PCDH9: variants seen among roughly 807,000 people sequenced by gnomAD.
PCDH9 encodes protocadherin 9.
In PCDH9, 24 loss-of-function variants were observed where a neutral mutation model predicts 70.6. The ratio of observed to expected loss-of-function variants is 0.34; its 90% confidence interval spans 0.25 to 0.48. The LOEUF (loss-of-function observed/expected upper bound fraction) is 0.48. PCDH9 is among the 20% of genes least tolerant of loss of function. PCDH9 has a pLI of 0.99. For synonymous variants in PCDH9, 562 were observed against 558.5 expected (o/e 1.01, Z -0.09); for missense variants, 1,281 against 1,503.6 (o/e 0.85, Z 2.45).
At chr13:67,154,345 T>C (rs2087741397) in intron 2 of PCDH9, among the ~76,000 whole-genome samples, 1 of 151,998 alleles carries the variant, frequency 6.6e-6, no homozygotes, top group Admixed American at 6.6e-5. Flanking sequence ...ATTCCAGCAC[T>C]CTGGAAGGTG....
intron 3 of PCDH9, among the ~76,000 whole-genome samples, chr13:66,844,342 T>C (rs1412325722): frequency 6.6e-6 from 1 of 152,038 alleles, no homozygotes; most frequent in African/African-American, 2.4e-5. Flanking sequence ...ATCTCAGCAC[T>C]TTGGGAAGCC....
chr13:66,722,600 A>C (rs566788434), intron 3 of PCDH9, among the ~76,000 whole-genome samples: 70 of 152,198 alleles, frequency 4.6e-4, no homozygotes, highest in African/African-American at 1.6e-3. Context: ...GTGTCTGCTG[A>C]TCTTTTGAAT....
intron 2 of PCDH9, among the ~76,000 whole-genome samples, chr13:67,164,252 A>G (rs1239888360): frequency 2.0e-5 from 3 of 152,162 alleles, no homozygotes; most frequent in Admixed American, 6.6e-5. Flanking sequence ...TATATCTACT[A>G]TAGGAAAATT....
At chr13:67,179,147 T>G (rs57150127) in intron 2 of PCDH9, among the ~76,000 whole-genome samples, 3,022 of 152,124 alleles carry the variant, frequency 0.02, 94 homozygotes, top group African/African-American at 0.07. Flanking sequence ...CTGTGTTGGG[T>G]TGGCATTTTT....
rs568974099 is a variant in PCDH9, at chr13:66,723,404, G to T, written c.3139-91993C>A. ...TTTTCAGAATAAAATTTTCAACAGGGCATAGCATTACATTTTACAAATTCA... is the reference window on the plus strand; with the variant it reads ...TTTTCAGAATAAAATTTTCAACAGGTCATAGCATTACATTTTACAAATTCA... On this transcript the variant is annotated intron_variant, in intron 3 of 4. Transcript: ENST00000377865. 2.6e-5 allele frequency among the ~76,000 whole-genome samples: 4 copies of T among 151,992 alleles called. No individual in the cohort carries two copies. In the East Asian group the frequency reaches 7.7e-4, roughly 29 times the overall value.
intron 2 of PCDH9, among the ~76,000 whole-genome samples, chr13:67,060,499 C>A (rs964965036): frequency 7.2e-5 from 11 of 152,024 alleles, no homozygotes; most frequent in African/African-American, 2.7e-4. Context: ...TCTCACCTGT[C>A]ATACCTAATC....
chr13:66,432,739 T>C (rs1957795035), intron 4 of PCDH9, among the ~76,000 whole-genome samples: 1 of 151,910 alleles, frequency 6.6e-6, no homozygotes, highest in African/African-American at 2.4e-5. Context: ...ACATGGAAGA[T>C]AGCAAGAAAA....
At chr13:66,810,936 T>C (rs1437532094) in intron 3 of PCDH9, among the ~76,000 whole-genome samples, 1 of 152,016 alleles carries the variant, frequency 6.6e-6, no homozygotes, top group Non-Finnish European at 1.5e-5. Context: ...TCCCTTTACC[T>C]AATATTAATA....
At chr13:66,770,500 C>T (rs890093712) in intron 3 of PCDH9, among the ~76,000 whole-genome samples, 4 of 152,192 alleles carry the variant, frequency 2.6e-5, no homozygotes, top group African/African-American at 9.7e-5. Context: ...CTTTTCTCCA[C>T]CTGCTTCATG....
intron 4 of PCDH9, among the ~76,000 whole-genome samples, chr13:66,305,449 A>G (rs1460321424): frequency 2.6e-5 from 4 of 152,068 alleles, no homozygotes; most frequent in Non-Finnish European, 5.9e-5. Flanking sequence ...GTGTAATATT[A>G]AAGAATATAT....
At chr13:66,418,915 T>G (rs1024941775) in intron 4 of PCDH9, among the ~76,000 whole-genome samples, 1 of 152,114 alleles carries the variant, frequency 6.6e-6, no homozygotes, top group African/African-American at 2.4e-5. Flanking sequence ...GAGATCACAC[T>G]GATCTTACAG....
At chr13:66,713,737 C>A (rs1407851406) in intron 3 of PCDH9, among the ~76,000 whole-genome samples, 2 of 150,680 alleles carry the variant, frequency 1.3e-5, no homozygotes, top group East Asian at 3.9e-4. Flanking sequence ...TACCTCTCCA[C>A]CACCTCTAGT....
intron 2 of PCDH9, among the ~76,000 whole-genome samples, chr13:67,113,930 A>G (rs2086710299): frequency 6.6e-6 from 1 of 152,222 alleles, no homozygotes. Context: ...GCTAACTAGA[A>G]GTCAAGGTGT....
intron 3 of PCDH9, among the ~76,000 whole-genome samples, chr13:66,737,723 GA>G (rs1467968041): frequency 6.6e-6 from 1 of 152,180 alleles, no homozygotes; most frequent in Non-Finnish European, 1.5e-5. Flanking sequence ...CCGAGTCAAA[GA>G]AAGGGGTGAC....
At chr13:66,433,739 G>T (rs1189952684) in intron 4 of PCDH9, among the ~76,000 whole-genome samples, 1 of 151,508 alleles carries the variant, frequency 6.6e-6, no homozygotes, top group African/African-American at 2.4e-5. Flanking sequence ...TCCTATTCAA[G>T]ATTACTCTTA....
intron 4 of PCDH9, among the ~76,000 whole-genome samples, chr13:66,353,150 A>C (rs1434811828): frequency 2.0e-5 from 3 of 152,174 alleles, no homozygotes; most frequent in African/African-American, 7.2e-5. Flanking sequence ...TTTTCTTGTG[A>C]TCTAAGTATA....
intron 4 of PCDH9, among the ~76,000 whole-genome samples, chr13:66,442,945 C>T (rs1274223034): frequency 2.0e-5 from 3 of 152,154 alleles, no homozygotes; most frequent in Non-Finnish European, 4.4e-5. Context: ...AGGCATATCT[C>T]TACATATTTC....
intron 4 of PCDH9, among the ~76,000 whole-genome samples, chr13:66,555,142 C>G (rs1961672556): frequency 6.6e-6 from 1 of 151,720 alleles, no homozygotes; most frequent in African/African-American, 2.4e-5. Flanking sequence ...GCACTCCAGC[C>G]TGGGCAACAA....
chr13:66,476,341 A>T lies in PCDH9; in HGVS notation c.3340+154869T>A, dbSNP rs141579325. ...AATCACTAAAATATTATATGATGTTAGTAATACACAAATTGTTAGACTTTA... is the reference window on the plus strand; with the variant it reads ...AATCACTAAAATATTATATGATGTTTGTAATACACAAATTGTTAGACTTTA... On this transcript the variant is annotated intron_variant, in intron 4 of 4. Transcript: ENST00000377865. Among the ~76,000 whole-genome samples the T allele has an allele frequency of 4.5e-3, 691 of 152,178 alleles. 28 individuals carry two copies. The East Asian group carries it at 0.089, about 20-fold the overall frequency.
Sources: gnomAD v4.1 joint callset for allele counts (sites outside exome capture counted in the v4.1 genomes callset) on GRCh38, gnomAD v4.1.1 for gene constraint, MANE v1.5 for transcripts, NCBI Gene and HGNC (gene_info 2026-07-23, HGNC 2026-07-21) for gene names.